Variants in SDK1 observed in about 807,000 individuals in gnomAD.
The protein encoded by SDK1 is protein sidekick-1.
SDK1 carries 157 observed loss-of-function variants against 245.5 expected under a neutral mutation model. That is an observed-to-expected ratio of 0.64 (90% CI 0.56 to 0.73). The LOEUF (loss-of-function observed/expected upper bound fraction) is 0.73, where lower values mean the gene tolerates loss of function less well. SDK1 is among the 30% of genes least tolerant of loss of function. SDK1 has a pLI of 0.00. For missense variants in SDK1, 3,583 were observed against 3,002.3 expected (o/e 1.19, Z -4.52); for synonymous variants, 1,647 against 1,278.5 (o/e 1.29, Z -6.15).
At chr7:4,231,583 AAAG>A (rs1785774313) in intron 40 of SDK1, among the ~76,000 whole-genome samples, 2 of 151,784 alleles carry the variant, frequency 1.3e-5, no homozygotes, top group Non-Finnish European at 2.9e-5. Context: ...CAAAAAAAAA[AAAG>A]AAAGGAAGAA....
chr7:3,691,970 A>G (rs895390955), intron 4 of SDK1, among the ~76,000 whole-genome samples: 1 of 152,066 alleles, frequency 6.6e-6, no homozygotes, highest in African/African-American at 2.4e-5. Context: ...TGGGTCTTTC[A>G]GTCTGTCCCC....
intron 5 of SDK1, among the ~76,000 whole-genome samples, chr7:3,835,083 A>G (rs955694335): frequency 1.1e-4 from 17 of 152,138 alleles, no homozygotes; most frequent in Non-Finnish European, 8.8e-5. Flanking sequence ...GAGACTTCAC[A>G]TATCACAGTT....
intron 44 of SDK1, among the ~76,000 whole-genome samples, chr7:4,261,398 C>A (rs1787992450): frequency 6.6e-6 from 1 of 152,176 alleles, no homozygotes; most frequent in Admixed American, 6.5e-5. Flanking sequence ...CCTGCCCACC[C>A]CCGCCTCCAG....
chr7:4,007,910 AAC>A (rs1473626502), intron 14 of SDK1, among the ~76,000 whole-genome samples: 1 of 152,176 alleles, frequency 6.6e-6, no homozygotes, highest in Non-Finnish European at 1.5e-5. Flanking sequence ...ATGGTAGTGA[AAC>A]ACACATAAAA....
rs1417777295 is a variant in SDK1, at chr7:3,876,289, A to G, written c.847+54706A>G. Among the ~76,000 whole-genome samples the G allele has an allele frequency of 2.6e-5, 4 of 152,210 alleles. No individual in the cohort carries two copies. In the East Asian group the frequency reaches 7.7e-4, roughly 29 times the overall value. On this transcript the variant is annotated intron_variant, in intron 5 of 44. Transcript: ENST00000404826. ...CAGCTTTTTGGGCAGCATTTTCCCC[A>G]GTCTTCTTTGGGGTAGAAATGTGTG...
chr7:3,985,974 G>C (rs943408594), intron 13 of SDK1, among the ~76,000 whole-genome samples: 1 of 152,082 alleles, frequency 6.6e-6, no homozygotes, highest in Non-Finnish European at 1.5e-5. Flanking sequence ...GCGGTGACCC[G>C]GGTCACACTC....
intron 14 of SDK1, among the ~76,000 whole-genome samples, chr7:3,989,337 G>A (rs1562628641): frequency 6.6e-6 from 1 of 152,106 alleles, no homozygotes; most frequent in Non-Finnish European, 1.5e-5. Flanking sequence ...GCTGTCAGGG[G>A]AACAGCACAG....
chr7:3,876,381 T>C (rs1268351091), intron 5 of SDK1, among the ~76,000 whole-genome samples: 1 of 152,208 alleles, frequency 6.6e-6, no homozygotes, highest in Non-Finnish European at 1.5e-5. Flanking sequence ...GAGGACCTTC[T>C]ACCATGGGAT....
At chr7:4,181,214 G>C (rs376434263) in intron 35 of SDK1, among the ~76,000 whole-genome samples, 2 of 152,230 alleles carry the variant, frequency 1.3e-5, no homozygotes, top group South Asian at 2.1e-4. Flanking sequence ...CCTGTGTCCA[G>C]ATCCTTGCCC....
At chr7:3,822,812 T>C (rs905570171) in intron 5 of SDK1, among the ~76,000 whole-genome samples, 5 of 151,462 alleles carry the variant, frequency 3.3e-5, no homozygotes, top group South Asian at 2.1e-4. Flanking sequence ...GATGGAGTGA[T>C]AGTATTTGCC....
In SDK1 at chr7:3,305,223, G is replaced by A. The variant is rs868738350; in HGVS notation, c.298+3339G>A. On this transcript the variant is annotated intron_variant, in intron 1 of 44. Transcript: ENST00000404826. ...CCTGAGGTGTACATCGGAATCACTG[G>A]TGAAAATTTAAAATACAGTTATCTG... Among the ~76,000 whole-genome samples, 4 of 152,190 alleles carry A rather than the reference G, an allele frequency of 2.6e-5. No individual in the cohort carries two copies. The South Asian group carries it at 6.2e-4, about 24-fold the overall frequency.
intron 1 of SDK1, among the ~76,000 whole-genome samples, chr7:3,501,605 T>A (rs188885798): frequency 6.6e-6 from 1 of 152,208 alleles, no homozygotes; most frequent in Non-Finnish European, 1.5e-5. Flanking sequence ...CAAACTGTTA[T>A]AGAGTATTTG....
chr7:3,878,089 C>G (rs1781117520), intron 5 of SDK1, among the ~76,000 whole-genome samples: 1 of 152,214 alleles, frequency 6.6e-6, no homozygotes, highest in Admixed American at 6.5e-5. Context: ...ATGTCCCTGT[C>G]TCTGCATTTA....
intron 30 of SDK1, among the ~76,000 whole-genome samples, chr7:4,152,218 C>T (rs1322460664): frequency 6.6e-6 from 1 of 152,182 alleles, no homozygotes; most frequent in Non-Finnish European, 1.5e-5. Flanking sequence ...CGCCAGGTTC[C>T]TGCCAGCATC....
At chr7:4,134,461 C>T (rs557692409) in intron 28 of SDK1, among the ~76,000 whole-genome samples, 15 of 152,288 alleles carry the variant, frequency 9.8e-5, no homozygotes, top group African/African-American at 3.6e-4. Flanking sequence ...TTTGCAGGAG[C>T]CCCACCCAGG....
chr7:3,876,845 C>T (rs150907619), intron 5 of SDK1, among the ~76,000 whole-genome samples: 158 of 152,316 alleles, frequency 1.0e-3, no homozygotes, highest in South Asian at 2.5e-3. Flanking sequence ...TTTAACACAG[C>T]TCTATCAGAC....
At chr7:3,373,971 A>T (rs192000051) in intron 1 of SDK1, among the ~76,000 whole-genome samples, 2 of 152,224 alleles carry the variant, frequency 1.3e-5, no homozygotes, top group South Asian at 4.1e-4. Flanking sequence ...GTTTGAAAAC[A>T]TGAAGTCATA....
intron 4 of SDK1, among the ~76,000 whole-genome samples, chr7:3,806,778 C>A (rs1465232418): frequency 9.1e-5 from 13 of 142,200 alleles, no homozygotes. Flanking sequence ...ACTGCACAAT[C>A]ATTAACTGGC....
At chr7:3,392,858 CATTT>C (rs1223089054) in intron 1 of SDK1, among the ~76,000 whole-genome samples, 9 of 151,196 alleles carry the variant, frequency 6.0e-5, no homozygotes, top group African/African-American at 9.7e-5. Flanking sequence ...TGTATTCATT[CATTT>C]GTTGATGGAC....
Sources: allele counts gnomAD v4.1 joint callset (sites outside exome capture counted in the v4.1 genomes callset), GRCh38; gene constraint gnomAD v4.1.1; transcripts MANE v1.5; gene names NCBI Gene and HGNC (gene_info 2026-07-23, HGNC 2026-07-21).